The following NRXN3 variants were observed in gnomAD, a reference collection of about 807,000 sequenced individuals.
The protein encoded by NRXN3 is neurexin 3.
A neutral mutation model predicts 137.6 loss-of-function variants in NRXN3; 32 were observed. The observed-to-expected ratio is 0.23, with a 90% confidence interval of 0.18 to 0.31. The LOEUF is 0.31. Ranked by LOEUF, NRXN3 falls within the 10% of genes least tolerant of loss-of-function variation. The pLI is 1.00. For missense variants in NRXN3, 1,574 were observed against 2,062.5 expected (o/e 0.76, Z 4.59); for synonymous variants, 798 against 784.5 (o/e 1.02, Z -0.29).
In NRXN3 at chr14:79,508,390, A is replaced by T. The variant is rs1294372809; in HGVS notation, c.3444+40988A>T. On this transcript the variant is annotated intron_variant, in intron 16 of 20. Coordinates refer to ENST00000335750, the MANE Select transcript of NRXN3 (RefSeq NM_001330195.2). Reference sequence around the variant, plus strand: ...AATTTTCTTTATAAAACAATAACTGATTTTTTTTTTTTTTTTAAGACAGAG... The same window carrying T: ...AATTTTCTTTATAAAACAATAACTGTTTTTTTTTTTTTTTTTAAGACAGAG... 3.0e-3 allele frequency among the ~76,000 whole-genome samples: 144 copies of T among 48,208 alleles called. 2 individuals carry two copies. The highest frequency in any genetic ancestry group is 3.8e-3 in the Non-Finnish European group (95 of 25,286). 31.6% of individuals were successfully genotyped at this position (48,208 alleles called of 152,430 possible).
At chr14:79,503,148 A>G (rs976323050) in intron 16 of NRXN3, among the ~76,000 whole-genome samples, 4 of 151,616 alleles carry the variant, frequency 2.6e-5, no homozygotes, top group African/African-American at 4.9e-5. Flanking sequence ...TCTATCTCTG[A>G]TTTTTCCCTC....
At chr14:78,284,046 A>G (rs1049605930) in intron 3 of NRXN3, among the ~76,000 whole-genome samples, 3 of 152,214 alleles carry the variant, frequency 2.0e-5, no homozygotes, top group Admixed American at 6.5e-5. Context: ...AGCTTGTGTT[A>G]GAACAGTGCC....
intron 4 of NRXN3, among the ~76,000 whole-genome samples, chr14:78,412,220 G>C (rs1360028910): frequency 6.6e-6 from 1 of 152,204 alleles, no homozygotes; most frequent in Non-Finnish European, 1.5e-5. Flanking sequence ...CCAGTGAGCT[G>C]TGAGCCCAAT....
chr14:78,589,630 T>A (rs1037217439), intron 4 of NRXN3, among the ~76,000 whole-genome samples: 1 of 152,196 alleles, frequency 6.6e-6, no homozygotes, highest in Non-Finnish European at 1.5e-5. Context: ...TCTGAGTGTG[T>A]TTTATCTTGT....
At chr14:78,800,752 C>T (rs2098836293) in intron 8 of NRXN3, among the ~76,000 whole-genome samples, 1 of 152,260 alleles carries the variant, frequency 6.6e-6, no homozygotes, top group East Asian at 1.9e-4. Flanking sequence ...ATGTGGTCTG[C>T]CTGACTCTTG....
chr14:79,333,853 G>A (rs1026753710), intron 15 of NRXN3, among the ~76,000 whole-genome samples: 5 of 152,040 alleles, frequency 3.3e-5, no homozygotes, highest in African/African-American at 9.7e-5. Context: ...AAATGATGAC[G>A]AGAAAATTTA....
intron 10 of NRXN3, among the ~76,000 whole-genome samples, chr14:78,936,514 G>A (rs192993058): frequency 2.1e-4 from 32 of 152,244 alleles, no homozygotes; most frequent in African/African-American, 7.7e-4. Flanking sequence ...CAGAACCCTG[G>A]CTGCTAGAGG....
chr14:78,831,543 A>AAAC (rs2098982130), intron 10 of NRXN3, among the ~76,000 whole-genome samples: 1 of 150,240 alleles, frequency 6.7e-6, no homozygotes, highest in Admixed American at 6.6e-5. Context: ...TCAAAAAAAA[A>AAAC]AAAAAAAAAA....
At chr14:78,993,169 T>C (rs2099522357) in intron 15 of NRXN3, among the ~76,000 whole-genome samples, 1 of 152,200 alleles carries the variant, frequency 6.6e-6, no homozygotes, top group African/African-American at 2.4e-5. Flanking sequence ...GTGTTGGCTA[T>C]TGATTGGCCT....
At chr14:79,652,906 G>A (rs2098483946) in intron 16 of NRXN3, among the ~76,000 whole-genome samples, 2 of 151,956 alleles carry the variant, frequency 1.3e-5, no homozygotes, top group African/African-American at 4.8e-5. Flanking sequence ...GTGGTTGGGG[G>A]TAAGTAAGGA....
intron 15 of NRXN3, among the ~76,000 whole-genome samples, chr14:79,033,745 G>C (rs1238551028): frequency 1.3e-5 from 2 of 152,096 alleles, no homozygotes; most frequent in African/African-American, 4.8e-5. Context: ...ATACAAGTCT[G>C]AGTTAGTAAC....
intron 15 of NRXN3, among the ~76,000 whole-genome samples, chr14:79,401,384 AC>A: frequency 6.6e-6 from 1 of 152,104 alleles, no homozygotes; most frequent in Non-Finnish European, 1.5e-5. Context: ...TCACCAGGGA[AC>A]TTTTTAGAAG....
intron 4 of NRXN3, among the ~76,000 whole-genome samples, chr14:78,342,231 T>C (rs1340098558): frequency 6.6e-6 from 1 of 152,202 alleles, no homozygotes; most frequent in East Asian, 1.9e-4. Flanking sequence ...GTATTTCCAC[T>C]GAACTCAAAG....
chr14:79,052,064 A>G (rs1017050538), intron 15 of NRXN3, among the ~76,000 whole-genome samples: 4 of 152,200 alleles, frequency 2.6e-5, no homozygotes, highest in Admixed American at 1.3e-4. Context: ...AACATTTCAT[A>G]AGACAGCATG....
intron 6 of NRXN3, among the ~76,000 whole-genome samples, chr14:78,672,536 A>G (rs1407437541): frequency 6.6e-6 from 1 of 152,212 alleles, no homozygotes. Context: ...AAAGAGAATC[A>G]GGTCCAAGAG....
rs149055302 is a variant in NRXN3 at position 78,941,080 on chromosome 14, C to T, written c.2276-16162C>T. 3.1e-3 allele frequency among the ~76,000 whole-genome samples: 473 copies of T among 152,282 alleles called. 2 individuals are homozygous for T. Among genetic ancestry groups the T allele is most frequent in the Middle Eastern group, 6.8e-3 (2 of 294 alleles). On this transcript the variant is annotated intron_variant, in intron 10 of 20. Transcript: ENST00000335750. ...AATGTCCATAAGCTGCATTTAAATA[C>T]ATTCATATAAATGCATGTCAAGTAA... is the stretch of plus-strand genomic sequence containing the variant.
Position 78,818,217 on chromosome 14 carries a change from A to C in NRXN3, c.2275+7873A>C, listed in dbSNP as rs1489894074. Among the ~76,000 whole-genome samples, 4 of 152,158 alleles carry C rather than the reference A, an allele frequency of 2.6e-5. No homozygotes were observed. In the East Asian group the frequency reaches 7.7e-4, roughly 29 times the overall value. On this transcript the variant is annotated intron_variant, in intron 10 of 20. Transcript: ENST00000335750. ...CCTGCACACACAAAGAGTGAGAGAG[A>C]GAAATATCTAATGCCAGTACAGCCT...
rs1323202114 is a variant in NRXN3 at position 79,328,511 on chromosome 14, A to G, written c.3263-138710A>G. 2.0e-5 allele frequency among the ~76,000 whole-genome samples: 3 copies of G among 152,330 alleles called. No individual in the cohort carries two copies. The East Asian group carries it at 5.8e-4, about 29-fold the overall frequency. ...TAGTGGGTCCCTTTTTCAAAAAGCAATAACGAAGTGCCATGAGAAGTACTT... is the reference window on the plus strand; with the variant it reads ...TAGTGGGTCCCTTTTTCAAAAAGCAGTAACGAAGTGCCATGAGAAGTACTT... On this transcript the variant is annotated intron_variant, in intron 15 of 20. Coordinates refer to ENST00000335750, the MANE Select transcript of NRXN3 (RefSeq NM_001330195.2).
intron 4 of NRXN3, among the ~76,000 whole-genome samples, chr14:78,398,972 T>C (rs866998979): frequency 1.3e-5 from 2 of 152,192 alleles, no homozygotes; most frequent in South Asian, 4.2e-4. Flanking sequence ...ACTGGGTAGA[T>C]ATGGGACCAC....
Sources: gnomAD v4.1 joint callset for allele counts (sites outside exome capture counted in the v4.1 genomes callset) on GRCh38, gnomAD v4.1.1 for gene constraint, MANE v1.5 for transcripts, NCBI Gene and HGNC (gene_info 2026-07-23, HGNC 2026-07-21) for gene names.